The following PLEKHM2 variants were observed in gnomAD, a reference collection of about 807,000 sequenced individuals.
PLEKHM2 encodes pleckstrin homology and RUN domain containing M2, also known as pleckstrin homology domain-containing family M member 2.
In PLEKHM2, 77 loss-of-function variants were observed where a neutral mutation model predicts 116.3. The ratio of observed to expected loss-of-function variants is 0.66; its 90% CI spans 0.55 to 0.80. The LOEUF is 0.80. Ranked by LOEUF, PLEKHM2 falls within the 30% of genes least tolerant of loss-of-function variation. The pLI is 0.00. For synonymous variants in PLEKHM2, 562 were observed against 571.0 expected (o/e 0.98, Z 0.22); for missense variants, 1,183 against 1,354.9 (o/e 0.87, Z 1.99).
At chr1:15,691,214 C>A (rs1275748153) in intron 1 of PLEKHM2, among the ~76,000 whole-genome samples, 1 of 152,116 alleles carries the variant, frequency 6.6e-6, no homozygotes, top group East Asian at 1.9e-4. Context: ...GAACTACAGA[C>A]ATATGCCACC....
chr1:15,693,065 A>G (rs1640919976), intron 1 of PLEKHM2, among the ~76,000 whole-genome samples: 1 of 138,456 alleles, frequency 7.2e-6, no homozygotes. Flanking sequence ...TTTTGAGACA[A>G]AGTCTCTCTC....
intron 1 of PLEKHM2, among the ~76,000 whole-genome samples, chr1:15,697,334 C>A (rs1641018344): frequency 1.3e-5 from 2 of 152,166 alleles, no homozygotes; most frequent in African/African-American, 4.8e-5. Flanking sequence ...CGCTGAGGGG[C>A]CCCTTGGCAG....
chr1:15,683,732 G>A (rs1432370522), upstream of PLEKHM2, among the ~76,000 whole-genome samples: 2 of 150,760 alleles, frequency 1.3e-5, no homozygotes, highest in East Asian at 2.0e-4. Context: ...TGGGGTCTCC[G>A]GAGTCCCTGG....
In PLEKHM2 at chr1:15,705,430, C is replaced by T. The variant is rs771948527; in HGVS notation, c.61-10807C>T. Among the ~76,000 whole-genome samples, 100 of 152,010 alleles carry T rather than the reference C, an allele frequency of 6.6e-4. 3 individuals carry two copies. Among genetic ancestry groups the T allele is most frequent in the Non-Finnish European group, 4.4e-4 (30 of 67,994 alleles). On this transcript the variant is annotated intron_variant, in intron 1 of 19. Coordinates refer to ENST00000375799, the MANE Select transcript of PLEKHM2 (RefSeq NM_015164.4). ...CTCCTGAGCTCAGACGATCCACTCA[C>T]CTCGGCCTCCCAAAGCGCTGGGATT... is the stretch of plus-strand genomic sequence containing the variant.
chr1:15,681,721 C>T (rs1353245794), upstream of PLEKHM2: 1 of 400,468 alleles, frequency 2.5e-6, no homozygotes, highest in African/African-American at 2.1e-5. Flanking sequence ...GCTATTTCTA[C>T]TCATAGATAC....
At chr1:15,718,381 G>A (rs543665853) in intron 4 of PLEKHM2, among the ~76,000 whole-genome samples, 157 bp from the exon 5 acceptor site, 1 of 152,354 alleles carries the variant, frequency 6.6e-6, no homozygotes, top group African/African-American at 2.4e-5. Flanking sequence ...GTAGGAGATC[G>A]CTGAGAGGGT....
intron 1 of PLEKHM2, among the ~76,000 whole-genome samples, chr1:15,713,096 T>C (rs1266853554): frequency 6.6e-6 from 1 of 151,624 alleles, no homozygotes; most frequent in Admixed American, 6.6e-5. Context: ...CCACCACGCC[T>C]GGCTAATTTT....
chr1:15,693,673 C>G (rs1014674677), intron 1 of PLEKHM2, among the ~76,000 whole-genome samples: 4 of 152,204 alleles, frequency 2.6e-5, no homozygotes, highest in African/African-American at 9.6e-5. Context: ...CAGTGGTCTC[C>G]CTCAGAACTC....
intron 1 of PLEKHM2, among the ~76,000 whole-genome samples, chr1:15,704,407 C>G (rs2148344718): frequency 6.6e-6 from 1 of 152,084 alleles, no homozygotes; most frequent in African/African-American, 2.4e-5. Context: ...ATACCGAAGC[C>G]CCATGTTCAG....
At chr1:15,703,168 C>T (rs1192045287) in intron 1 of PLEKHM2, among the ~76,000 whole-genome samples, 1 of 152,212 alleles carries the variant, frequency 6.6e-6, no homozygotes, top group Non-Finnish European at 1.5e-5. Context: ...GCGGCCTTCT[C>T]CCTGGGCATC....
Position 15,716,275 on chromosome 1 carries a change from T to A in PLEKHM2, c.99T>A (p.Pro33=). The A allele has an allele frequency of 6.2e-7, 1 of 1,606,568 alleles. No homozygotes were observed. Among genetic ancestry groups the A allele is most frequent in the South Asian group, 1.1e-5 (1 of 89,764 alleles). Residue 33 remains proline (P), a synonymous_variant, in exon 2 of 20, where the codon CCT becomes CCA. Transcript: ENST00000375799. ...SYFAACEDEI[P]AIRNHDKVLQ... The stretch of plus-strand genomic sequence containing the variant: ...TTGCTGCATGTGAGGATGAGATCCC[T>A]GCCATCCGGAACCATGACAAGGTCC...
Position 15,719,964 on chromosome 1 carries a change from C to G in PLEKHM2, c.652+44C>G. The stretch of plus-strand genomic sequence containing the variant: ...GAAAAGCTAAGCCCCTGTTGTGAAA[C>G]AGACTTGAACTGCTTAAGCCTGGCT... On this transcript the variant is annotated intron_variant, in intron 6 of 19. Coordinates refer to ENST00000375799, the MANE Select transcript of PLEKHM2 (RefSeq NM_015164.4). The surrounding 1 kb of genome is among the most constrained non-coding windows in gnomAD (Gnocchi z 4.1). The G allele has an allele frequency of 6.7e-7, 1 of 1,496,544 alleles. No individual in the cohort carries two copies. Among genetic ancestry groups the G allele is most frequent in the Middle Eastern group, 1.7e-4 (1 of 5,840 alleles). The allele number at this position is 1,496,544 out of a possible 1,614,324, so 92.7% of individuals were successfully genotyped here.
intron 8 of PLEKHM2, among the ~76,000 whole-genome samples, chr1:15,726,518 C>T (rs147001075): frequency 1.5e-3 from 223 of 152,262 alleles, no homozygotes; most frequent in African/African-American, 4.3e-3. Context: ...TAGCTAAGCC[C>T]GCTCCAGCCA....
intron 7 of PLEKHM2, among the ~76,000 whole-genome samples, chr1:15,723,658 T>C (rs752930702): frequency 6.9e-6 from 1 of 145,248 alleles, no homozygotes; most frequent in African/African-American, 2.6e-5. Flanking sequence ...GGCAGGAGGA[T>C]CACTTGAACC....
Position 15,728,121 on chromosome 1 carries a change from C to G in PLEKHM2, c.1803C>G (p.Phe601Leu), listed in dbSNP as rs1374342664. 2 of 1,611,498 alleles carry G rather than the reference C, an allele frequency of 1.2e-6. No homozygotes were observed. Among genetic ancestry groups the G allele is most frequent in the Non-Finnish European group, 1.7e-6 (2 of 1,178,808 alleles). The change falls in exon 10 of 20, where the codon TTC becomes TTG. Residue 601 changes from phenylalanine (F) to leucine (L), a missense_variant. Physicochemically the swap from Phe to Leu is conservative, Grantham distance 22. This residue lies in a region of PLEKHM2 where 594 missense variants were observed against 720.1 expected (regional missense o/e 0.82). Coordinates refer to ENST00000375799, the MANE Select transcript of PLEKHM2 (RefSeq NM_015164.4). The surrounding 1 kb of genome is among the most constrained non-coding windows in gnomAD (Gnocchi z 5.9). ...NHLLLLMIHV[F>L]RENEEQLFKM... Reference sequence around the variant, plus strand: ...TGCTCCTGCTCATGATCCACGTGTTCCGAGAAAACGAAGAGCAGCTGTTCA... The same window carrying G: ...TGCTCCTGCTCATGATCCACGTGTTGCGAGAAAACGAAGAGCAGCTGTTCA...
Position 15,717,897 on chromosome 1 carries a change from T to A in PLEKHM2, c.282T>A (p.Arg94=), listed in dbSNP as rs1029663243. 3.8e-6 allele frequency: 6 copies of A among 1,588,740 alleles called. No homozygotes were observed. The highest frequency in any genetic ancestry group is 2.7e-5 in the African/African-American group (2 of 74,394). Residue 94 remains arginine (R), a synonymous_variant, in exon 4 of 20, where the codon CGT becomes CGA. Coordinates refer to ENST00000375799, the MANE Select transcript of PLEKHM2 (RefSeq NM_015164.4). ...QHVATNLGRS[R]AWLYLALNEN... The stretch of plus-strand genomic sequence containing the variant: ...TACTCCTGCCTTTGTTTGCAGGCCG[T>A]GCCTGGCTGTACCTGGCCCTCAACG...
chr1:15,727,235 G>C lies in PLEKHM2; in HGVS notation c.1163G>C (p.Arg388Pro), dbSNP rs750156567. The C allele has an allele frequency of 6.2e-7, 1 of 1,602,724 alleles. No individual in the cohort carries two copies. Among genetic ancestry groups the C allele is most frequent in the Non-Finnish European group, 8.5e-7 (1 of 1,175,986 alleles). ...AGCAGCACCACGGAGAGCAGCGAGC[G>C]CTCCGAGCCGGGCCTGCTGATCCCT... is the stretch of plus-strand genomic sequence containing the variant. ...GPSSTTESSE[R>P]SEPGLLIPEM... Residue 388 changes from arginine (R) to proline (P), a missense_variant, in exon 9 of 20, where the codon CGC becomes CCC. By Grantham distance (103) the Arg-to-Pro change is moderately radical. This residue lies in a region of PLEKHM2 where 372 missense variants were observed against 357.2 expected (regional missense o/e 1.04). Transcript: ENST00000375799. This position sits in a 1 kb window ranked among gnomAD's most constrained non-coding sequence, Gnocchi z 7.5.
At chr1:15,708,077 GT>G (rs1292819780) in intron 1 of PLEKHM2, among the ~76,000 whole-genome samples, 1 of 151,932 alleles carries the variant, frequency 6.6e-6, no homozygotes. Flanking sequence ...TAGAGATGGG[GT>G]TTCACTGTGT....
intron 1 of PLEKHM2, among the ~76,000 whole-genome samples, chr1:15,706,225 G>A (rs72879497): frequency 0.019 from 2,925 of 152,086 alleles, 90 homozygotes; most frequent in African/African-American, 0.067. Flanking sequence ...TGCATGATCC[G>A]GCCCTCAGCT....
Sources: gnomAD v4.1 joint callset for allele counts (sites outside exome capture counted in the v4.1 genomes callset) on GRCh38, gnomAD v4.1.1 for gene constraint, gnomAD v4.1.1 regional missense constraint, Gnocchi (gnomAD v3.1) non-coding constraint, MANE v1.5 for transcripts, NCBI Gene and HGNC (gene_info 2026-07-23, HGNC 2026-07-21) for gene names.